Variants in C16orf96 observed in about 807,000 individuals in gnomAD.
C16orf96 encodes chromosome 16 open reading frame 96.
In C16orf96, 108 loss-of-function variants were observed where a neutral mutation model predicts 103.6. The ratio of observed to expected loss-of-function variants is 1.04; its 90% CI spans 0.89 to 1.22. The LOEUF is 1.22. C16orf96 is among the 50% of genes most tolerant of loss of function. The pLI, the probability that C16orf96 is intolerant of heterozygous loss-of-function variation, is 0.00. For missense variants in C16orf96, 1,586 were observed against 1,464.2 expected (o/e 1.08, Z -1.36); for synonymous variants, 566 against 593.5 (o/e 0.95, Z 0.67).
chr16:4,556,298 T>C (rs553450186), upstream of C16orf96, among the ~76,000 whole-genome samples: 3 of 152,090 alleles, frequency 2.0e-5, no homozygotes, highest in Non-Finnish European at 4.4e-5. Context: ...ATCACATTCT[T>C]TGGTGTCCTG....
intron 11 of C16orf96, among the ~76,000 whole-genome samples, chr16:4,592,966 C>T (rs991700701): frequency 8.5e-5 from 13 of 152,246 alleles, no homozygotes; most frequent in African/African-American, 2.9e-4. Flanking sequence ...TATGCCACCG[C>T]GCCTAGCCTG....
intron 5 of C16orf96, among the ~76,000 whole-genome samples, chr16:4,577,466 C>T (rs374786681): frequency 2.7e-5 from 4 of 150,672 alleles, no homozygotes; most frequent in African/African-American, 7.3e-5. Context: ...CTGGCTGACA[C>T]GGTGAAACCC....
the C16orf96 span, among the ~76,000 whole-genome samples, chr16:4,549,729 C>T: frequency 4.6e-5 from 7 of 152,070 alleles, no homozygotes; most frequent in Non-Finnish European, 1.0e-4. Context: ...ATCTGGGAGG[C>T]AGAGGTTGCA....
chr16:4,558,281 G>A (rs1309852160), intron 1 of C16orf96, among the ~76,000 whole-genome samples: 8 of 152,188 alleles, frequency 5.3e-5, no homozygotes, highest in Non-Finnish European at 1.0e-4. Context: ...CGACCAGCAC[G>A]TGGACAGTGT....
intron 2 of C16orf96, 130 bp from the exon 3 acceptor site, chr16:4,574,579 A>C: frequency 1.4e-6 from 1 of 719,450 alleles, no homozygotes; most frequent in South Asian, 1.8e-5. Context: ...ACCCTTTCCC[A>C]CTCCTTGGGA....
At chr16:4,539,124 T>G in the C16orf96 span, among the ~76,000 whole-genome samples, 1 of 152,242 alleles carries the variant, frequency 6.6e-6, no homozygotes, top group African/African-American at 2.4e-5. Flanking sequence ...TCACTGTCCC[T>G]GCGCTTGAAA....
intron 1 of C16orf96, among the ~76,000 whole-genome samples, chr16:4,571,283 A>G (rs2059435295): frequency 6.6e-6 from 1 of 152,154 alleles, no homozygotes; most frequent in South Asian, 2.1e-4. Flanking sequence ...GCTGACATCT[A>G]TCATAGAAGA....
At position 4,576,261 on chromosome 16, in the gene C16orf96, A is replaced by G. The variant is rs1426060033; in HGVS notation, c.1781A>G (p.Lys594Arg). Reference sequence around the variant, plus strand: ...GCCCAGGCAGCCAAAGTTGCTGCCAAGTTTGTCAAGGATGCCCCAGCCACC... The same window carrying G: ...GCCCAGGCAGCCAAAGTTGCTGCCAGGTTTGTCAAGGATGCCCCAGCCACC... Reference protein sequence around the residue: ...SAAQAAKVAAKFVKDAPATKM... With the variant: ...SAAQAAKVAARFVKDAPATKM... The change falls in exon 5 of 16, where the codon AAG becomes AGG. Residue 594 changes from lysine to arginine, a missense_variant. Transcript: ENST00000444310. The G allele has an allele frequency of 1.3e-6, 2 of 1,550,756 alleles. No individual in the cohort carries two copies. The highest frequency in any genetic ancestry group is 2.4e-5 in the South Asian group (2 of 84,060).
intron 3 of C16orf96, 39 bp downstream of exon 3, chr16:4,574,828 G>C: frequency 6.5e-7 from 1 of 1,545,888 alleles, no homozygotes; most frequent in African/African-American, 1.4e-5. Flanking sequence ...ACTCCCCCTG[G>C]GACCCCCCAA....
the C16orf96 span, among the ~76,000 whole-genome samples, chr16:4,548,040 G>T: frequency 5.9e-5 from 9 of 152,234 alleles, no homozygotes; most frequent in Admixed American, 5.9e-4. Context: ...TACATGGATG[G>T]ATTGTATGTT....
At chr16:4,574,028 C>A (rs2059471137) in intron 2 of C16orf96, among the ~76,000 whole-genome samples, 1 of 151,432 alleles carries the variant, frequency 6.6e-6, no homozygotes. Flanking sequence ...GAGGTGGGGG[C>A]TTCACCACAT....
intron 5 of C16orf96, among the ~76,000 whole-genome samples, chr16:4,578,083 C>T (rs1205209197): frequency 6.6e-6 from 1 of 152,190 alleles, no homozygotes; most frequent in Non-Finnish European, 1.5e-5. Flanking sequence ...GCACTCCAGC[C>T]TGGGCAACAG....
intron 7 of C16orf96, among the ~76,000 whole-genome samples, chr16:4,582,207 G>T (rs183047538): frequency 6.6e-6 from 1 of 151,984 alleles, no homozygotes; most frequent in Admixed American, 6.6e-5. Context: ...ACTTAAACCC[G>T]GGAGGCGGAG....
rs1247472024 is a variant in C16orf96, at chr16:4,587,044, C to T, written c.2358C>T (p.Leu786=). 1 of 1,551,472 alleles carries T rather than the reference C, an allele frequency of 6.4e-7. No homozygotes were observed. The highest frequency in any genetic ancestry group is 1.2e-5 in the South Asian group (1 of 84,054). Residue 786 remains leucine, a synonymous_variant, in exon 8 of 16, where the codon CTC becomes CTT. Coordinates refer to ENST00000444310, the MANE Select transcript of C16orf96 (RefSeq NM_001145011.2). ...GCCTGTGCTTCTGTTCTTAGACTCTCCAGGCTCAAATCAAAAGACTGGAAA... is the reference window on the plus strand; with the variant it reads ...GCCTGTGCTTCTGTTCTTAGACTCTTCAGGCTCAAATCAAAAGACTGGAAA... ...LQIRMDEFKT[L]QAQIKRLEMN... is the part of the protein sequence containing the mutation.
At chr16:4,588,656 T>C (rs1896985443) in intron 9 of C16orf96, among the ~76,000 whole-genome samples, 1 of 150,554 alleles carries the variant, frequency 6.6e-6, no homozygotes, top group African/African-American at 2.5e-5. Flanking sequence ...AGCTGACATC[T>C]CCCAGATCAA....
chr16:4,582,283 A>G (rs1298663971), intron 7 of C16orf96, among the ~76,000 whole-genome samples: 1 of 100,934 alleles, frequency 9.9e-6, no homozygotes, highest in African/African-American at 3.6e-5. Flanking sequence ...ACTCAGTCTC[A>G]AAAAATAAAT....
intron 10 of C16orf96, 48 bp from the exon 11 acceptor site, chr16:4,592,257 T>C (rs1897076345): frequency 6.5e-7 from 1 of 1,550,156 alleles, no homozygotes; most frequent in African/African-American, 1.4e-5. Flanking sequence ...CTCCCACACA[T>C]GGCCTGGGCC....
intron 1 of C16orf96, 50 bp from the exon 2 acceptor site, chr16:4,571,511 C>T: frequency 1.3e-6 from 2 of 1,487,048 alleles, no homozygotes; most frequent in Non-Finnish European, 1.8e-6. Flanking sequence ...CTTCACTTAC[C>T]TTCTCCCCCA....
chr16:4,574,058 C>A (rs186154342), intron 2 of C16orf96, among the ~76,000 whole-genome samples: 2 of 152,178 alleles, frequency 1.3e-5, no homozygotes, highest in African/African-American at 4.8e-5. Flanking sequence ...TGGTCCCGAA[C>A]TCCTGAACTC....
Sources: allele counts gnomAD v4.1 joint callset (sites outside exome capture counted in the v4.1 genomes callset), GRCh38; gene constraint gnomAD v4.1.1; transcripts MANE v1.5; gene names NCBI Gene and HGNC (gene_info 2026-07-23, HGNC 2026-07-21).